The following TRPS1 variants were observed in gnomAD, a reference collection of about 807,000 sequenced individuals.
The protein encoded by TRPS1 is zinc finger transcription factor Trps1.
In TRPS1, 6 loss-of-function variants were observed where a neutral mutation model predicts 101.2. The ratio of observed to expected loss-of-function variants is 0.06; its 90% confidence interval spans 0.03 to 0.12. TRPS1 has a LOEUF of 0.12. Ranked by LOEUF, TRPS1 falls within the 10% of genes least tolerant of loss-of-function variation. TRPS1 has a pLI of 1.00. For missense variants in TRPS1, 1,363 were observed against 1,567.0 expected, an observed-to-expected ratio of 0.87 and a Z score of 2.20; for synonymous variants, 578 against 589.8, an observed-to-expected ratio of 0.98 and a Z score of 0.29.
At chr8:115,663,219 C>A (rs1811845948) in intron 1 of TRPS1, among the ~76,000 whole-genome samples, 1 of 151,264 alleles carries the variant, frequency 6.6e-6, no homozygotes, top group South Asian at 2.1e-4. Flanking sequence ...AGCCTTTCTT[C>A]CTCAGGCCAC....
At position 115,658,304 on chromosome 8, in the gene TRPS1, C is replaced by T. The variant is rs1432510364; in HGVS notation, c.-122+10241G>A. Among the ~76,000 whole-genome samples the T allele has an allele frequency of 3.3e-5, 5 of 152,170 alleles. No individual in the cohort carries two copies. In the East Asian group the frequency reaches 5.8e-4, roughly 18 times the overall value. On this transcript the variant is annotated intron_variant, in intron 1 of 6. Transcript: ENST00000395715. ...AGAAGCTAGAGAATGCCTTGAGTCA[C>T]GCAAAGCCGGAACTGATGAGTGTGA...
At chr8:115,464,181 G>A (rs1586299958) in intron 5 of TRPS1, among the ~76,000 whole-genome samples, 2 of 151,938 alleles carry the variant, frequency 1.3e-5, no homozygotes, top group East Asian at 3.8e-4. Flanking sequence ...CCTAGTAATA[G>A]AGCACAGATT....
chr8:115,611,942 A>G (rs1818178039), intron 3 of TRPS1, among the ~76,000 whole-genome samples: 1 of 152,346 alleles, frequency 6.6e-6, no homozygotes, highest in South Asian at 2.1e-4. Flanking sequence ...TTACATAAGC[A>G]AGTATAATTA....
chr8:115,505,550 G>A (rs1815421530), intron 5 of TRPS1, among the ~76,000 whole-genome samples: 1 of 152,056 alleles, frequency 6.6e-6, no homozygotes, highest in African/African-American at 2.4e-5. Context: ...GTCATTGAAT[G>A]ATCTGAAATT....
intron 5 of TRPS1, among the ~76,000 whole-genome samples, chr8:115,580,365 C>T (rs1363146960): frequency 6.6e-6 from 1 of 151,600 alleles, no homozygotes; most frequent in East Asian, 1.9e-4. Flanking sequence ...TATTAATGTG[C>T]CTGTAAAATG....
chr8:115,584,091 T>G (rs1017697701), intron 5 of TRPS1, among the ~76,000 whole-genome samples: 1 of 152,060 alleles, frequency 6.6e-6, no homozygotes, highest in Non-Finnish European at 1.5e-5. Flanking sequence ...TTATGTGCTT[T>G]GTAACACAAT....
intron 5 of TRPS1, among the ~76,000 whole-genome samples, chr8:115,446,315 T>C (rs1227836156): frequency 2.8e-5 from 4 of 143,494 alleles, no homozygotes; most frequent in Non-Finnish European, 6.1e-5. Flanking sequence ...CAAAAAAATA[T>C]TTTTTTTTCC....
chr8:115,452,471 T>TG lies in TRPS1; in HGVS notation c.2701-34020dup, dbSNP rs201972550. Among the ~76,000 whole-genome samples, 1,466 of 152,140 alleles carry TG rather than the reference T, an allele frequency of 9.6e-3. 22 individuals are homozygous for TG. Among genetic ancestry groups the TG allele is most frequent in the African/African-American group, 0.028 (1,142 of 41,496 alleles). Reference sequence around the variant, plus strand: ...TATATTTACATTTCTGAGAAGGAAATGGGGGGGTCTCTTGTTTGAAAGAAA... The same window carrying TG: ...TATATTTACATTTCTGAGAAGGAAATGGGGGGGGTCTCTTGTTTGAAAGAAA... On this transcript the variant is annotated intron_variant, in intron 5 of 6. Coordinates refer to ENST00000395715, the MANE Select transcript of TRPS1 (RefSeq NM_014112.5).
At chr8:115,457,356 G>A (rs1050761218) in intron 5 of TRPS1, among the ~76,000 whole-genome samples, 24 of 152,266 alleles carry the variant, frequency 1.6e-4, no homozygotes, top group African/African-American at 5.5e-4. Context: ...AAATAAGGCA[G>A]TCACAGAAAG....
intron 5 of TRPS1, among the ~76,000 whole-genome samples, chr8:115,429,833 T>A (rs1813276608): frequency 6.6e-6 from 1 of 152,138 alleles, no homozygotes; most frequent in Admixed American, 6.6e-5. Context: ...GGTCACACAA[T>A]CTCGGCAAAA....
intron 5 of TRPS1, among the ~76,000 whole-genome samples, chr8:115,573,767 C>T (rs746285614): frequency 2.9e-4 from 44 of 152,148 alleles, no homozygotes; most frequent in Admixed American, 8.5e-4. Context: ...CTTAGCTCCC[C>T]ATACTATACT....
At chr8:115,557,959 G>A (rs555547834) in intron 5 of TRPS1, among the ~76,000 whole-genome samples, 15 of 151,896 alleles carry the variant, frequency 9.9e-5, no homozygotes, top group Non-Finnish European at 2.1e-4. Flanking sequence ...ACTACTACTT[G>A]TAACGTTCAT....
chr8:115,472,840 C>T lies in TRPS1; in HGVS notation c.2701-54388G>A, dbSNP rs138497866. On this transcript the variant is annotated intron_variant, in intron 5 of 6. Transcript: ENST00000395715. ...AGATCTCTAGGGCTGGGGCAAATGCCACCAGTCTCTTTGCTAAAACACAGC... is the reference window on the plus strand; with the variant it reads ...AGATCTCTAGGGCTGGGGCAAATGCTACCAGTCTCTTTGCTAAAACACAGC... 8.3e-3 allele frequency among the ~76,000 whole-genome samples: 1,259 copies of T among 152,260 alleles called. 20 individuals carry two copies. Among genetic ancestry groups the T allele is most frequent in the African/African-American group, 0.029 (1,215 of 41,544 alleles).
rs36083510 is a variant in TRPS1 at position 115,549,671 on chromosome 8, TAA to T, written c.2700+37328_2700+37329del. On this transcript the variant is annotated intron_variant, in intron 5 of 6. Coordinates refer to ENST00000395715, the MANE Select transcript of TRPS1 (RefSeq NM_014112.5). ...TAGCTTCTCTACTATAATACTCTAT[TAA>T]AAAAAAAAAAAAAAACGCTAAACAA... Among the ~76,000 whole-genome samples the T allele has an allele frequency of 9.9e-4, 113 of 114,096 alleles. 1 individual carries two copies. The highest frequency in any genetic ancestry group is 3.0e-3 in the African/African-American group (94 of 31,722). 74.9% of individuals were successfully genotyped at this position (114,096 alleles called of 152,430 possible). A position where few individuals can be genotyped will look rare whatever the true frequency, so the allele number is the denominator to read the frequency against.
At chr8:115,639,173 C>G (rs1362796987) in intron 1 of TRPS1, among the ~76,000 whole-genome samples, 1 of 152,172 alleles carries the variant, frequency 6.6e-6, no homozygotes, top group Non-Finnish European at 1.5e-5. Flanking sequence ...AAGCAATTCT[C>G]CTGCTTCAGC....
chr8:115,632,974 A>G (rs1203767764), intron 1 of TRPS1, among the ~76,000 whole-genome samples: 1 of 152,108 alleles, frequency 6.6e-6, no homozygotes, highest in Non-Finnish European at 1.5e-5. Context: ...CTTTTCAGCT[A>G]AAGTTTAAGA....
chr8:115,479,625 C>T (rs776252903), intron 5 of TRPS1, among the ~76,000 whole-genome samples: 17 of 152,058 alleles, frequency 1.1e-4, no homozygotes, highest in Non-Finnish European at 2.4e-4. Context: ...TCTAAATATT[C>T]CCCTTTTCAT....
rs548700497 is a variant in TRPS1, at chr8:115,583,916, G to GA, written c.2700+3084dup. 1.5e-3 allele frequency among the ~76,000 whole-genome samples: 231 copies of GA among 151,910 alleles called. 2 individuals carry two copies. The highest frequency in any genetic ancestry group is 2.6e-3 in the Non-Finnish European group (175 of 67,842). On this transcript the variant is annotated intron_variant, in intron 5 of 6. Transcript: ENST00000395715. ...ACCCTGACATAAGCCAAAAAAAGGA[G>GA]AAAACCACTAATGTTAATGAAGAGA...
intron 5 of TRPS1, among the ~76,000 whole-genome samples, chr8:115,567,463 C>T (rs1817095823): frequency 1.3e-5 from 2 of 152,030 alleles, no homozygotes; most frequent in Admixed American, 1.3e-4. Flanking sequence ...AGCAATTCCA[C>T]TTCCAGGAAT....
Sources: gnomAD v4.1 joint callset for allele counts (sites outside exome capture counted in the v4.1 genomes callset) on GRCh38, gnomAD v4.1.1 for gene constraint, MANE v1.5 for transcripts, NCBI Gene and HGNC (gene_info 2026-07-23, HGNC 2026-07-21) for gene names.